The following ASTN2 variants were observed in gnomAD, a reference collection of about 807,000 sequenced individuals.
The protein encoded by ASTN2 is astrotactin-2.
Under a neutral mutation model 139.8 loss-of-function variants are expected in ASTN2, and 54 were observed. That is an observed-to-expected ratio of 0.39 (90% CI 0.31 to 0.48). ASTN2 has a LOEUF of 0.48. Ranked by LOEUF, ASTN2 falls within the 20% of genes least tolerant of loss-of-function variation. The probability of loss-of-function intolerance (pLI) is 0.95; values close to 1 mark genes in which losing one functional copy is unlikely to be tolerated. For synonymous variants in ASTN2, 756 were observed against 719.5 expected, an observed-to-expected ratio of 1.05 and a Z score of -0.81; for missense variants, 1,565 against 1,725.1, an observed-to-expected ratio of 0.91 and a Z score of 1.64.
chr9:116,731,844 C>T (rs1157279186), intron 14 of ASTN2, among the ~76,000 whole-genome samples: 34 of 152,128 alleles, frequency 2.2e-4, no homozygotes, highest in Admixed American at 2.1e-3. Context: ...CCTCACAGAC[C>T]GTGGACATGT....
At chr9:116,734,099 T>C (rs1351893792) in intron 13 of ASTN2, among the ~76,000 whole-genome samples, 4 of 152,062 alleles carry the variant, frequency 2.6e-5, no homozygotes, top group East Asian at 3.9e-4. Context: ...AAACTTTTCC[T>C]TTTACAGATG....
intron 7 of ASTN2, among the ~76,000 whole-genome samples, chr9:117,001,150 T>G (rs943784929): frequency 1.3e-5 from 2 of 152,158 alleles, no homozygotes; most frequent in Non-Finnish European, 2.9e-5. Context: ...CCCTGTCACT[T>G]GGGAGAAAAA....
At chr9:116,764,193 A>T (rs970338540) in intron 13 of ASTN2, among the ~76,000 whole-genome samples, 1 of 152,210 alleles carries the variant, frequency 6.6e-6, no homozygotes, top group South Asian at 2.1e-4. Context: ...CTGGTCCCAG[A>T]TGCTGCCTGT....
intron 10 of ASTN2, among the ~76,000 whole-genome samples, chr9:116,877,257 A>G (rs1833327419): frequency 6.6e-6 from 1 of 152,184 alleles, no homozygotes; most frequent in African/African-American, 2.4e-5. Context: ...CAGTGCAAGC[A>G]GCACCCTTCT....
rs138192189 is a variant in ASTN2, at chr9:116,510,079, C to T, written c.3356-22579G>A. Among the ~76,000 whole-genome samples the T allele has an allele frequency of 3.3e-4, 51 of 152,262 alleles. No individual in the cohort carries two copies. In the East Asian group the frequency reaches 8.7e-3, roughly 26 times the overall value. ...TGGTGTTTGAGACACGAAGTCCTTGCCCATGCCTATGTCCTGAATGGTATT... is the reference window on the plus strand; with the variant it reads ...TGGTGTTTGAGACACGAAGTCCTTGTCCATGCCTATGTCCTGAATGGTATT... On this transcript the variant is annotated intron_variant, in intron 19 of 22. Coordinates refer to ENST00000313400, the MANE Select transcript of ASTN2 (RefSeq NM_001365068.1).
At chr9:117,074,207 G>A (rs766801236) in intron 5 of ASTN2, among the ~76,000 whole-genome samples, 1 of 152,220 alleles carries the variant, frequency 6.6e-6, no homozygotes, top group African/African-American at 2.4e-5. Flanking sequence ...CACTAGCAAT[G>A]CAGGTCTGAG....
intron 19 of ASTN2, among the ~76,000 whole-genome samples, chr9:116,517,290 G>C (rs1450383799): frequency 1.3e-5 from 2 of 152,222 alleles, no homozygotes; most frequent in East Asian, 1.9e-4. Flanking sequence ...ACTGGAGCAG[G>C]TGGTGGTATC....
At chr9:116,905,485 G>A in intron 10 of ASTN2, among the ~76,000 whole-genome samples, 1 of 152,140 alleles carries the variant, frequency 6.6e-6, no homozygotes, top group East Asian at 1.9e-4. Flanking sequence ...ATAGAAGGGA[G>A]TATTTGGACA....
chr9:117,140,936 C>T (rs1588007972), intron 4 of ASTN2, among the ~76,000 whole-genome samples: 1 of 152,190 alleles, frequency 6.6e-6, no homozygotes, highest in East Asian at 1.9e-4. Context: ...AAAGTAGGCG[C>T]AGACCCCTGT....
Position 117,414,452 on chromosome 9 carries a change from C to T in ASTN2, c.442+45G>A, listed in dbSNP as rs745769122. On this transcript the variant is annotated intron_variant, in intron 1 of 22. Coordinates refer to ENST00000313400, the MANE Select transcript of ASTN2 (RefSeq NM_001365068.1). The surrounding 1 kb of genome is among the most constrained non-coding windows in gnomAD (Gnocchi z 4.2). ...CCACCCGTCCGGCATGACGCAGGGG[C>T]TCGGGGTTCCTTGGGATCTAGCGCG... is the stretch of plus-strand genomic sequence containing the variant. 2.9e-5 allele frequency: 47 copies of T among 1,600,656 alleles called. No homozygotes were observed. In the Admixed American group the frequency reaches 3.2e-4, roughly 11 times the overall value.
chr9:117,066,780 G>GT (rs1283981828), intron 5 of ASTN2, among the ~76,000 whole-genome samples: 2 of 151,668 alleles, frequency 1.3e-5, no homozygotes, highest in Admixed American at 6.6e-5. Flanking sequence ...TTTTTCATGT[G>GT]TTTTTTGGCT....
chr9:117,317,416 C>T (rs986033330), intron 1 of ASTN2, among the ~76,000 whole-genome samples: 6 of 152,066 alleles, frequency 3.9e-5, no homozygotes, highest in Admixed American at 6.5e-5. Context: ...CAGCAGAGCC[C>T]GACAATGCCT....
chr9:117,386,656 A>G (rs1830407824), intron 1 of ASTN2, among the ~76,000 whole-genome samples: 1 of 152,072 alleles, frequency 6.6e-6, no homozygotes, highest in Non-Finnish European at 1.5e-5. Context: ...AAGTTCTGTA[A>G]GGTCCTAGGA....
At chr9:116,439,906 C>A (rs1256282116) in intron 22 of ASTN2, among the ~76,000 whole-genome samples, 3 of 152,182 alleles carry the variant, frequency 2.0e-5, no homozygotes, top group African/African-American at 7.2e-5. Context: ...AGGTAGCAAC[C>A]ATTTCTACCT....
At chr9:117,261,138 C>T (rs1405204912) in intron 2 of ASTN2, among the ~76,000 whole-genome samples, 1 of 152,132 alleles carries the variant, frequency 6.6e-6, no homozygotes, top group Non-Finnish European at 1.5e-5. Context: ...TCCCTGCTTT[C>T]ATGAAGATCA....
intron 1 of ASTN2, among the ~76,000 whole-genome samples, chr9:117,394,218 T>TCC (rs943113843): frequency 6.6e-6 from 1 of 152,138 alleles, no homozygotes; most frequent in Non-Finnish European, 1.5e-5. Context: ...AGTCCTTCCA[T>TCC]CCCCTCAAGG....
At chr9:116,734,903 C>A (rs114939979) in intron 13 of ASTN2, among the ~76,000 whole-genome samples, 2,586 of 152,252 alleles carry the variant, frequency 0.017, 81 homozygotes, top group African/African-American at 0.059. Context: ...ATCTTCTATA[C>A]CACCAGCATC....
chr9:116,978,495 G>GCGCACA (rs762311934), intron 7 of ASTN2, among the ~76,000 whole-genome samples: 3 of 127,644 alleles, frequency 2.4e-5, no homozygotes, highest in South Asian at 2.5e-4. Flanking sequence ...TCTCTCTCAC[G>GCGCACA]CACACACACA....
At chr9:117,275,110 C>T (rs1404020142) in intron 2 of ASTN2, among the ~76,000 whole-genome samples, 1 of 152,234 alleles carries the variant, frequency 6.6e-6, no homozygotes, top group Non-Finnish European at 1.5e-5. Context: ...TGCCTTTCCT[C>T]TATTCTCCAA....
Sources: allele counts gnomAD v4.1 joint callset (sites outside exome capture counted in the v4.1 genomes callset), GRCh38; gene constraint gnomAD v4.1.1; non-coding constraint Gnocchi (gnomAD v3.1); transcripts MANE v1.5; gene names NCBI Gene and HGNC (gene_info 2026-07-23, HGNC 2026-07-21).